Variants in TMEFF2 observed in about 807,000 individuals in gnomAD.
TMEFF2 encodes transmembrane protein with EGF like and two follistatin like domains 2.
A neutral mutation model predicts 53.8 loss-of-function variants in TMEFF2; 28 were observed. The observed-to-expected ratio is 0.52, with a 90% CI of 0.39 to 0.71. The LOEUF (loss-of-function observed/expected upper bound fraction) is 0.71, where lower values mean the gene tolerates loss of function less well. TMEFF2 is among the 30% of genes least tolerant of loss of function. TMEFF2 has a pLI of 0.00. For missense variants in TMEFF2, 353 were observed against 455.2 expected (o/e 0.78, Z 2.04); for synonymous variants, 162 against 166.3 (o/e 0.97, Z 0.20).
chr2:192,146,125 C>G (rs1445133994), intron 4 of TMEFF2, among the ~76,000 whole-genome samples: 1 of 151,830 alleles, frequency 6.6e-6, no homozygotes, highest in African/African-American at 2.4e-5. Context: ...TCACAAAAGA[C>G]AAAATAACTG....
intron 5 of TMEFF2, among the ~76,000 whole-genome samples, chr2:192,053,669 T>C (rs1687827791): frequency 6.6e-6 from 1 of 152,238 alleles, no homozygotes; most frequent in Non-Finnish European, 1.5e-5. Context: ...TAGTATTTTA[T>C]GTTTGAGAGA....
At chr2:192,039,848 T>C (rs762288202) in intron 5 of TMEFF2, among the ~76,000 whole-genome samples, 35 of 152,130 alleles carry the variant, frequency 2.3e-4, no homozygotes, top group Non-Finnish European at 4.7e-4. Context: ...GCTGAGATTA[T>C]TGATAATTGA....
chr2:192,168,956 C>T (rs73984905), intron 4 of TMEFF2, among the ~76,000 whole-genome samples: 4,290 of 152,072 alleles, frequency 0.028, 192 homozygotes, highest in African/African-American at 0.096. Flanking sequence ...TGGCCTCAAG[C>T]GATCCTCCCA....
intron 4 of TMEFF2, among the ~76,000 whole-genome samples, chr2:192,092,285 A>G (rs1394751456): frequency 6.6e-6 from 1 of 152,114 alleles, no homozygotes. Context: ...TTATTTTCCT[A>G]TGTGAAGGGT....
At chr2:191,998,168 C>T in intron 7 of TMEFF2, 94 bp downstream of exon 7, 1 of 985,604 alleles carries the variant, frequency 1.0e-6, no homozygotes, top group Non-Finnish European at 1.5e-6. Flanking sequence ...AGAAGTCTTG[C>T]AAGCTTCACT....
At chr2:192,116,471 T>C (rs566510686) in intron 4 of TMEFF2, among the ~76,000 whole-genome samples, 146 of 151,940 alleles carry the variant, frequency 9.6e-4, no homozygotes, top group African/African-American at 3.4e-3. Flanking sequence ...ACAGAGTAAA[T>C]CACAAGATTT....
At chr2:192,004,802 T>TTTGGCAA in intron 5 of TMEFF2, among the ~76,000 whole-genome samples, 1 of 152,344 alleles carries the variant, frequency 6.6e-6, no homozygotes. Context: ...CTTCACTGCT[T>TTTGGCAA]TTGGCAAATA....
intron 7 of TMEFF2, 59 bp from the exon 8 acceptor site, chr2:191,956,437 CA>C: frequency 6.4e-7 from 1 of 1,563,724 alleles, no homozygotes; most frequent in Non-Finnish European, 8.7e-7. Context: ...TAAGATCAAC[CA>C]GTACATTAAG....
At chr2:192,100,785 T>C (rs1559126339) in intron 4 of TMEFF2, among the ~76,000 whole-genome samples, 1 of 152,166 alleles carries the variant, frequency 6.6e-6, no homozygotes, top group Non-Finnish European at 1.5e-5. Flanking sequence ...TTTCCAAGCA[T>C]CCAGAAAACC....
At chr2:192,167,492 A>T (rs924710693) in intron 4 of TMEFF2, among the ~76,000 whole-genome samples, 20 of 152,134 alleles carry the variant, frequency 1.3e-4, no homozygotes, top group African/African-American at 4.8e-4. Flanking sequence ...TCCCTTACTT[A>T]AACATTAAAA....
At chr2:192,120,580 C>T (rs377277494) in intron 4 of TMEFF2, among the ~76,000 whole-genome samples, 9 of 152,182 alleles carry the variant, frequency 5.9e-5, no homozygotes, top group Non-Finnish European at 1.3e-4. Context: ...TGGAGACTTT[C>T]TCTTCCCAGC....
At chr2:191,999,588 C>T (rs143752102) in intron 5 of TMEFF2, among the ~76,000 whole-genome samples, 5 of 152,038 alleles carry the variant, frequency 3.3e-5, no homozygotes, top group African/African-American at 1.2e-4. Context: ...TCCTTCTTTT[C>T]TTGGGATATT....
intron 7 of TMEFF2, among the ~76,000 whole-genome samples, chr2:191,979,765 A>AT (rs1213126758): frequency 6.6e-6 from 1 of 151,840 alleles, no homozygotes; most frequent in African/African-American, 2.4e-5. Flanking sequence ...AAAAAAAAAA[A>AT]TTAAACCCTC....
At chr2:192,147,295 A>G (rs183281937) in intron 4 of TMEFF2, among the ~76,000 whole-genome samples, 126 of 151,992 alleles carry the variant, frequency 8.3e-4, no homozygotes, top group Middle Eastern at 3.4e-3. Flanking sequence ...ATAATGATAA[A>G]CAATACACTT....
intron 4 of TMEFF2, among the ~76,000 whole-genome samples, chr2:192,136,969 AT>A (rs1425843758): frequency 6.6e-6 from 1 of 152,224 alleles, no homozygotes; most frequent in Non-Finnish European, 1.5e-5. Context: ...ATTTGACAAA[AT>A]TTTAGGAGGG....
chr2:191,967,559 A>G (rs1393783924), intron 7 of TMEFF2, among the ~76,000 whole-genome samples: 1 of 151,976 alleles, frequency 6.6e-6, no homozygotes, highest in East Asian at 1.9e-4. Flanking sequence ...AGGGGCCTGG[A>G]TCTGTCTTTT....
intron 1 of TMEFF2, among the ~76,000 whole-genome samples, chr2:192,193,057 G>C (rs1364133649): frequency 1.3e-5 from 2 of 152,088 alleles, no homozygotes. Context: ...TTTTCCTTTT[G>C]GCATTTACAT....
At chr2:192,066,995 C>T (rs1293888347) in intron 4 of TMEFF2, among the ~76,000 whole-genome samples, 3 of 151,692 alleles carry the variant, frequency 2.0e-5, no homozygotes, top group Non-Finnish European at 4.4e-5. Context: ...TATAAACAAT[C>T]GCTTGGGCTA....
rs191664640 is a variant in TMEFF2 at position 191,995,768 on chromosome 2, G to A, written c.745+2494C>T. ...TCTAAAATTTCTTGAGAATCTTGAC[G>A]TATGCAATCTATGTTTAACTAGGAA... On this transcript the variant is annotated intron_variant, in intron 7 of 9. Coordinates refer to ENST00000272771, the MANE Select transcript of TMEFF2 (RefSeq NM_016192.4). Among the ~76,000 whole-genome samples, 164 of 152,004 alleles carry A rather than the reference G, an allele frequency of 1.1e-3. 1 individual carries two copies. Among genetic ancestry groups the A allele is most frequent in the African/African-American group, 3.8e-3 (158 of 41,516 alleles).
Sources: gnomAD v4.1 joint callset for allele counts (sites outside exome capture counted in the v4.1 genomes callset) on GRCh38, gnomAD v4.1.1 for gene constraint, MANE v1.5 for transcripts, NCBI Gene and HGNC (gene_info 2026-07-23, HGNC 2026-07-21) for gene names.